NCOR2: variants seen among roughly 807,000 people sequenced by gnomAD.
NCOR2 encodes nuclear receptor corepressor 2, also known as CTG repeat protein 26.
NCOR2 carries 81 observed loss-of-function variants against 262.9 expected under a neutral mutation model. The observed-to-expected ratio is 0.31, with a 90% confidence interval of 0.26 to 0.37. The LOEUF (loss-of-function observed/expected upper bound fraction) is 0.37. Among genes scored for constraint, NCOR2 ranks in the 10% least tolerant of loss-of-function variants. The probability of loss-of-function intolerance (pLI) is 1.00; values close to 1 mark genes in which losing one functional copy is unlikely to be tolerated. For missense variants in NCOR2, 3,385 were observed against 3,621.4 expected (o/e 0.93, Z 1.68); for synonymous variants, 1,659 against 1,559.3 (o/e 1.06, Z -1.51).
chr12:124,491,851 C>T (rs2048097613), intron 1 of NCOR2, among the ~76,000 whole-genome samples: 1 of 152,208 alleles, frequency 6.6e-6, no homozygotes, highest in African/African-American at 2.4e-5. Context: ...GATCCTGCTA[C>T]TGTCACGGAG....
chr12:124,418,748 A>G (rs866971287), intron 13 of NCOR2, among the ~76,000 whole-genome samples: 35 of 152,316 alleles, frequency 2.3e-4, no homozygotes, highest in African/African-American at 8.4e-4. Flanking sequence ...GCTTGGCATT[A>G]GGGGTGTCAG....
At chr12:124,347,075 G>A (rs1468189355) in intron 30 of NCOR2, among the ~76,000 whole-genome samples, 1 of 152,224 alleles carries the variant, frequency 6.6e-6, no homozygotes, top group Non-Finnish European at 1.5e-5. Context: ...AAATCATGAA[G>A]CTAAAACCAC....
intron 1 of NCOR2, among the ~76,000 whole-genome samples, chr12:124,487,100 G>A (rs2047803465): frequency 6.6e-6 from 1 of 152,210 alleles, no homozygotes; most frequent in Non-Finnish European, 1.5e-5. Context: ...GTGCATACGG[G>A]GCAGCATTAT....
At chr12:124,382,720 C>T (rs2136095459) in intron 17 of NCOR2, among the ~76,000 whole-genome samples, 1 of 152,360 alleles carries the variant, frequency 6.6e-6, no homozygotes, top group African/African-American at 2.4e-5. Context: ...AGGGCAGCTG[C>T]CATTGCTTCC....
At position 124,340,430 on chromosome 12, in the gene NCOR2, G is replaced by A. The variant is rs372957751; in HGVS notation, c.5352C>T (p.His1784=). Residue 1784 remains histidine, a synonymous_variant, in exon 36 of 47, where the codon CAC becomes CAT. Transcript: ENST00000405201. ...AGGACGTGGTGGTTGGTTTTGTCAA[G>A]TGTGTTGGACCTCCTAGGAAACCCA... is the stretch of plus-strand genomic sequence containing the variant. 3 of 1,612,586 alleles carry A rather than the reference G, an allele frequency of 1.9e-6. No homozygotes were observed. In the African/African-American group the frequency reaches 4.0e-5, roughly 22 times the overall value.
intron 16 of NCOR2, chr12:124,388,770 CCGGCAGG>C (rs1459933256): frequency 7.7e-7 from 1 of 1,303,322 alleles, no homozygotes; most frequent in African/African-American, 1.5e-5. Flanking sequence ...CCGAAGTGGG[CCGGCAGG>C]CTGGGCGGCC....
At chr12:124,423,614 T>C (rs1310718359) in intron 11 of NCOR2, among the ~76,000 whole-genome samples, 2 of 152,168 alleles carry the variant, frequency 1.3e-5, no homozygotes, top group South Asian at 2.1e-4. Flanking sequence ...CTCTTCCAGG[T>C]AGGGAGAGTC....
intron 2 of NCOR2, 108 bp downstream of exon 4, chr12:124,486,333 C>A (rs2280533): frequency 0.11 from 162,807 of 1,503,002 alleles, 9,669 homozygotes; most frequent in East Asian, 0.18. Context: ...CCGACATCCC[C>A]TCATTTCACA....
At chr12:124,463,470 G>A (rs1389614380) in intron 5 of NCOR2, among the ~76,000 whole-genome samples, 3 of 152,208 alleles carry the variant, frequency 2.0e-5, no homozygotes, top group Non-Finnish European at 2.9e-5. Context: ...ACACCTGCCC[G>A]GCCCCCACCC....
At chr12:124,565,957 G>A (rs1208781015) in intron 1 of NCOR2, among the ~76,000 whole-genome samples, 1 of 152,016 alleles carries the variant, frequency 6.6e-6, no homozygotes, top group Non-Finnish European at 1.5e-5. Context: ...AGCCTGCCCC[G>A]GGTCGCCCTC....
In NCOR2 at chr12:124,482,950, C is replaced by T. The variant is rs1252274669; in HGVS notation, c.411+646G>A. On this transcript the variant is annotated intron_variant, in intron 3 of 46. Coordinates refer to ENST00000405201, the Ensembl canonical transcript of NCOR2. The surrounding 1 kb of genome is among the most constrained non-coding windows in gnomAD (Gnocchi z 6.3). ...TCCAGGCCATGTCCTAACCAAGCAC[C>T]GCCCCTTTAGTGCTGAGCCAACTCT... is the stretch of plus-strand genomic sequence containing the variant. Among the ~76,000 whole-genome samples, 2 of 152,164 alleles carry T rather than the reference C, an allele frequency of 1.3e-5. No individual in the cohort carries two copies. Among genetic ancestry groups the T allele is most frequent in the Non-Finnish European group, 2.9e-5 (2 of 68,006 alleles).
At chr12:124,511,522 G>A (rs544350776) in intron 1 of NCOR2, among the ~76,000 whole-genome samples, 28 of 152,350 alleles carry the variant, frequency 1.8e-4, no homozygotes, top group Admixed American at 3.9e-4. Flanking sequence ...AAGGGCGTCC[G>A]GGGCCTGGGG....
At chr12:124,528,510 G>A (rs751294628) in intron 1 of NCOR2, among the ~76,000 whole-genome samples, 7 of 152,170 alleles carry the variant, frequency 4.6e-5, no homozygotes, top group Non-Finnish European at 8.8e-5. Context: ...TCCCCGGAAG[G>A]CAGGTGTGGT....
intron 4 of NCOR2, 108 bp from the exon 7 acceptor site, chr12:124,466,394 C>T: frequency 1.1e-6 from 1 of 922,776 alleles, no homozygotes; most frequent in Non-Finnish European, 1.6e-6. Flanking sequence ...CACGGCCGCG[C>T]ACAGGAAGTC....
At position 124,443,275 on chromosome 12, in the gene NCOR2, C is replaced by T. The variant is rs1020857697; in HGVS notation, c.816-5279G>A. 1.3e-5 allele frequency among the ~76,000 whole-genome samples: 2 copies of T among 152,168 alleles called. No homozygotes were observed. The highest frequency in any genetic ancestry group is 2.9e-5 in the Non-Finnish European group (2 of 68,030). On this transcript the variant is annotated intron_variant, in intron 7 of 46. Coordinates refer to ENST00000405201, the Ensembl canonical transcript of NCOR2. The surrounding 1 kb of genome is among the most constrained non-coding windows in gnomAD (Gnocchi z 4.4). ...GATGTGCATGCAGCCGTCTGTTTGC[C>T]ACCGATGGGCAGCAACTGAGGGTGT...
chr12:124,397,565 C>T (rs1013243830), intron 16 of NCOR2, among the ~76,000 whole-genome samples: 7 of 152,234 alleles, frequency 4.6e-5, no homozygotes, highest in South Asian at 4.1e-4. Context: ...CTGTCCCCAA[C>T]GGCCTGGGTG....
intron 41 of NCOR2, among the ~76,000 whole-genome samples, chr12:124,333,912 G>A (rs1264506622): frequency 2.0e-5 from 3 of 147,992 alleles, no homozygotes; most frequent in Non-Finnish European, 4.5e-5. Flanking sequence ...GCATGTGTGC[G>A]GGTGTGCATG....
At chr12:124,433,415 G>A (rs1344439950) in intron 8 of NCOR2, among the ~76,000 whole-genome samples, 9 of 152,362 alleles carry the variant, frequency 5.9e-5, no homozygotes, top group East Asian at 3.9e-4. Context: ...GCAGACCAGC[G>A]GGCGGAAGCC....
intron 20 of NCOR2, among the ~76,000 whole-genome samples, chr12:124,369,041 G>A (rs1303563485): frequency 2.0e-5 from 3 of 152,254 alleles, no homozygotes; most frequent in Non-Finnish European, 4.4e-5. Context: ...AAGGAGGGCA[G>A]CTAATCTCTG....
Sources: allele counts gnomAD v4.1 joint callset (sites outside exome capture counted in the v4.1 genomes callset), GRCh38; gene constraint gnomAD v4.1.1; non-coding constraint Gnocchi (gnomAD v3.1); transcripts MANE v1.5; gene names NCBI Gene and HGNC (gene_info 2026-07-23, HGNC 2026-07-21).